Variants in ZNF780B observed in about 807,000 individuals in gnomAD.
ZNF780B encodes the protein zinc finger protein 780B.
A neutral mutation model predicts 74.1 loss-of-function variants in ZNF780B; 52 were observed. That is an observed-to-expected ratio of 0.70 (90% CI 0.56 to 0.88). ZNF780B has a LOEUF of 0.88. Ranked by LOEUF, ZNF780B falls within the 40% of genes least tolerant of loss-of-function variation. The probability of loss-of-function intolerance (pLI) is 0.00; values close to 1 mark genes in which losing one functional copy is unlikely to be tolerated. For missense variants in ZNF780B, 953 were observed against 1,007.6 expected, an observed-to-expected ratio of 0.95 and a Z score of 0.73; for synonymous variants, 315 against 324.3, an observed-to-expected ratio of 0.97 and a Z score of 0.31.
Position 40,034,644 on chromosome 19 carries a change from G to T in ZNF780B, c.2215C>A (p.Gln739Lys). The T allele has an allele frequency of 6.2e-7, 1 of 1,613,780 alleles. No individual in the cohort carries two copies. The highest frequency in any genetic ancestry group is 8.5e-7 in the Non-Finnish European group (1 of 1,179,932). The change falls in exon 5 of 5, where the codon CAG (glutamine) becomes AAG (lysine). Residue 739 changes from glutamine (Q) to lysine (K), a missense_variant. By Grantham distance (53) the Gln-to-Lys change is moderately conservative. Coordinates refer to ENST00000434248, the MANE Select transcript of ZNF780B (RefSeq NM_001005851.3). ...TGAATGATCTGATGTTGAGCAAGCT[G>T]TGTCAGAAGACCAAAGGCCTTTCCG... The part of the protein sequence containing the change: ...ECGKAFGLLT[Q>K]LAQHQIIHTG...
rs888190175 is a variant in ZNF780B, at chr19:40,033,383, G to A, written c.*974C>T. ...GCCTGTATCCAGTAAAATATTTCAC[G>A]GGCAGTAAACTGTGAACATGGCAGC... is the stretch of plus-strand genomic sequence containing the variant. On this transcript the variant is annotated 3_prime_UTR_variant, in exon 5 of 5. Transcript: ENST00000434248. The A allele has an allele frequency of 5.8e-5, 9 of 154,802 alleles. No individual in the cohort carries two copies. The highest frequency in any genetic ancestry group is 5.1e-4 in the Middle Eastern group (1 of 1,948). The allele number at this position is 154,802 out of a possible 1,614,324, so 9.6% of individuals were successfully genotyped here.
intron 4 of ZNF780B, among the ~76,000 whole-genome samples, chr19:40,039,277 G>C (rs2144745401): frequency 6.6e-6 from 1 of 152,328 alleles, no homozygotes; most frequent in Middle Eastern, 3.4e-3. Flanking sequence ...CTATATCTCT[G>C]TTTTGGTAAC....
At position 40,036,495 on chromosome 19, in the gene ZNF780B, A is replaced by C; in HGVS notation, c.364T>G (p.Ser122Ala). 4 of 1,610,266 alleles carry C rather than the reference A, an allele frequency of 2.5e-6. No individual in the cohort carries two copies. The highest frequency in any genetic ancestry group is 2.5e-6 in the Non-Finnish European group (3 of 1,178,798). Residue 122 changes from serine (S) to alanine (A), a missense_variant, in exon 5 of 5, where the codon TCA (serine) becomes GCA (alanine). Transcript: ENST00000434248. ...GLEAFYFRNDSEYRSRFEGRQ... is the reference protein window; with the variant it reads ...GLEAFYFRNDAEYRSRFEGRQ... ...CCCTCAAATCTACTTCTATATTCTGAGTCATTTCTAAAATAAAAGGCCTCG... is the reference window on the plus strand; with the variant it reads ...CCCTCAAATCTACTTCTATATTCTGCGTCATTTCTAAAATAAAAGGCCTCG...
intron 1 of ZNF780B, among the ~76,000 whole-genome samples, chr19:40,050,695 T>A (rs1973185598): frequency 6.6e-6 from 1 of 152,270 alleles, no homozygotes. Context: ...GATACCAATC[T>A]TGGCCTAGGA....
rs756712276 is a variant in ZNF780B, at chr19:40,032,159, A to G, written c.*2198T>C. Reference sequence around the variant, plus strand: ...TCTGGGCTACTCAAAATTCAATGTCATTTTTTTAAAATGAGAAATGTTCTA... The same window carrying G: ...TCTGGGCTACTCAAAATTCAATGTCGTTTTTTTAAAATGAGAAATGTTCTA... On this transcript the variant is annotated 3_prime_UTR_variant, in exon 5 of 5. Transcript: ENST00000434248. 111 of 433,640 alleles carry G rather than the reference A, an allele frequency of 2.6e-4. No homozygotes were observed. The highest frequency in any genetic ancestry group is 4.1e-4 in the Non-Finnish European group (90 of 219,072). The allele number at this position is 433,640 out of a possible 1,614,324, so 26.9% of individuals were successfully genotyped here.
At chr19:40,039,737 T>C (rs1013076756) in intron 4 of ZNF780B, among the ~76,000 whole-genome samples, 2 of 152,212 alleles carry the variant, frequency 1.3e-5, no homozygotes, top group Non-Finnish European at 2.9e-5. Context: ...ATAAGAATGC[T>C]TGTGATTTTT....
At chr19:40,055,438 T>C (rs1256937037) in intron 1 of ZNF780B, 1 of 152,116 alleles carries the variant, frequency 6.6e-6, no homozygotes, top group Non-Finnish European at 1.5e-5. Context: ...TGTGCAACAA[T>C]AACGCTCTCA....
At chr19:40,043,633 C>A (rs1448253453) in intron 4 of ZNF780B, among the ~76,000 whole-genome samples, 2 of 152,248 alleles carry the variant, frequency 1.3e-5, no homozygotes, top group Non-Finnish European at 2.9e-5. Context: ...GCCTTGCTGC[C>A]ACCTTGCAGT....
intron 4 of ZNF780B, among the ~76,000 whole-genome samples, chr19:40,043,120 A>T (rs1230457689): frequency 2.0e-5 from 3 of 152,212 alleles, no homozygotes; most frequent in Non-Finnish European, 4.4e-5. Context: ...TCCTTCTAAC[A>T]GACAGGACCC....
At chr19:40,036,705 T>A in intron 4 of ZNF780B, 79 bp from the exon 5 acceptor site, 1 of 889,858 alleles carries the variant, frequency 1.1e-6, no homozygotes, top group Non-Finnish European at 1.7e-6. Flanking sequence ...ACAAATGGCC[T>A]AAGTATAAAA....
chr19:40,034,150 G>T lies in ZNF780B; in HGVS notation c.*207C>A. On this transcript the variant is annotated 3_prime_UTR_variant, in exon 5 of 5. Transcript: ENST00000434248. ...AACATGTTTAACAGGTTTGAACTAT[G>T]ACTAAAGGCTTTCCCACATTCTTCA... 1.6e-6 allele frequency: 1 copy of T among 638,474 alleles called. No homozygotes were observed. 39.6% of individuals were successfully genotyped at this position (638,474 alleles called of 1,614,324 possible).
intron 2 of ZNF780B, chr19:40,049,071 A>AG (rs1373475470): frequency 5.0e-5 from 19 of 379,650 alleles, no homozygotes; most frequent in African/African-American, 3.3e-4. Context: ...AAAAAAAAAA[A>AG]AAAGAAAGAA....
At chr19:40,049,886 G>A (rs1484744821) in intron 2 of ZNF780B, among the ~76,000 whole-genome samples, 2 of 152,098 alleles carry the variant, frequency 1.3e-5, no homozygotes, top group African/African-American at 4.8e-5. Context: ...ACTGTAATGG[G>A]ACAAAGTGGG....
intron 2 of ZNF780B, chr19:40,049,085 A>G: frequency 2.7e-6 from 1 of 365,364 alleles, no homozygotes; most frequent in Non-Finnish European, 5.1e-6. Context: ...GAAAGAAAGA[A>G]AGAACTGTCG....
At chr19:40,040,397 T>A (rs1480325255) in intron 4 of ZNF780B, among the ~76,000 whole-genome samples, 2 of 152,228 alleles carry the variant, frequency 1.3e-5, no homozygotes, top group African/African-American at 4.8e-5. Context: ...TCTGCCCAGC[T>A]TTGGTATCAG....
rs753991521 is a variant in ZNF780B at position 40,036,275 on chromosome 19, C to A, written c.584G>T (p.Cys195Phe). 1.2e-6 allele frequency: 2 copies of A among 1,612,722 alleles called. No individual in the cohort carries two copies. Among genetic ancestry groups the A allele is most frequent in the African/African-American group, 2.7e-5 (2 of 74,962 alleles). ...TTGAAAGGCTTTCCCACATTCTTTG[C>A]ATTTATAGGGTTTCTCTCCAGTATG... ...SIHTGEKPYK[C>F]KECGKAFQLH... The change falls in exon 5 of 5, where the codon TGC becomes TTC. Residue 195 changes from cysteine to phenylalanine, a missense_variant. Cys to Phe is a radical substitution (Grantham distance 205). Coordinates refer to ENST00000434248, the MANE Select transcript of ZNF780B (RefSeq NM_001005851.3).
At chr19:40,050,629 G>A (rs1414222893) in intron 1 of ZNF780B, among the ~76,000 whole-genome samples, 2 of 152,214 alleles carry the variant, frequency 1.3e-5, no homozygotes, top group Admixed American at 1.3e-4. Context: ...CATGAATGCC[G>A]AGCACAGGCA....
intron 4 of ZNF780B, among the ~76,000 whole-genome samples, chr19:40,039,126 A>G (rs1367376072): frequency 2.6e-5 from 4 of 151,376 alleles, no homozygotes; most frequent in Non-Finnish European, 3.0e-5. Flanking sequence ...AGCTTTCTAC[A>G]TATGGCTAGC....
In ZNF780B at chr19:40,034,980, G is replaced by C; in HGVS notation, c.1879C>G (p.Gln627Glu). The C allele has an allele frequency of 6.2e-7, 1 of 1,613,744 alleles. No homozygotes were observed. Among genetic ancestry groups the C allele is most frequent in the Non-Finnish European group, 8.5e-7 (1 of 1,179,924 alleles). ...ECGKAFSLHTQLNHHKNIHTG... is the reference protein window; with the variant it reads ...ECGKAFSLHTELNHHKNIHTG... Reference sequence around the variant, plus strand: ...TGAATGTTCTTATGGTGATTAAGCTGGGTGTGAAGACTGAAGGCCTTGCCA... The same window carrying C: ...TGAATGTTCTTATGGTGATTAAGCTCGGTGTGAAGACTGAAGGCCTTGCCA... The change falls in exon 5 of 5, where the codon CAG (glutamine) becomes GAG (glutamate). Residue 627 changes from glutamine (Q) to glutamate (E), a missense_variant. Coordinates refer to ENST00000434248, the MANE Select transcript of ZNF780B (RefSeq NM_001005851.3).
Sources: gnomAD v4.1 joint callset for allele counts (sites outside exome capture counted in the v4.1 genomes callset) on GRCh38, gnomAD v4.1.1 for gene constraint, MANE v1.5 for transcripts, NCBI Gene and HGNC (gene_info 2026-07-23, HGNC 2026-07-21) for gene names.